CROCC2: variants seen among roughly 807,000 people sequenced by gnomAD.
The protein encoded by CROCC2 is ciliary rootlet coiled-coil protein 2.
Under a neutral mutation model 177.6 loss-of-function variants are expected in CROCC2, and 163 were observed. The ratio of observed to expected loss-of-function variants is 0.92; its 90% CI spans 0.81 to 1.05. CROCC2 has a LOEUF of 1.05. Among genes scored for constraint, CROCC2 ranks in the 50% least tolerant of loss-of-function variants. CROCC2 has a pLI of 0.00. For missense variants in CROCC2, 1,929 were observed against 1,797.8 expected, an observed-to-expected ratio of 1.07 and a Z score of -1.32; for synonymous variants, 904 against 787.3, an observed-to-expected ratio of 1.15 and a Z score of -2.48.
At chr2:240,919,261 A>T (rs1374208737) in intron 2 of CROCC2, among the ~76,000 whole-genome samples, 1 of 152,010 alleles carries the variant, frequency 6.6e-6, no homozygotes, top group African/African-American at 2.4e-5. Flanking sequence ...CCCACAGGGC[A>T]CTCAGCAGGG....
At chr2:240,911,296 C>CTTTTTTTTT (rs35968018) in intron 1 of CROCC2, among the ~76,000 whole-genome samples, 1 of 123,072 alleles carries the variant, frequency 8.1e-6, no homozygotes, top group Non-Finnish European at 1.6e-5. Flanking sequence ...ACGTCCACAA[C>CTTTTTTTTT]TTTTTTTTTT....
At position 240,914,776 on chromosome 2, in the gene CROCC2, G is replaced by A. The variant is rs559768795; in HGVS notation, c.79-3950G>A. Among the ~76,000 whole-genome samples the A allele has an allele frequency of 6.6e-3, 1,001 of 152,310 alleles. 10 individuals are homozygous for A. Among genetic ancestry groups the A allele is most frequent in the South Asian group, 0.032 (155 of 4,830 alleles). On this transcript the variant is annotated intron_variant, in intron 1 of 31. Coordinates refer to ENST00000690015, the MANE Select transcript of CROCC2 (RefSeq NM_001351305.2). The stretch of plus-strand genomic sequence containing the variant: ...GCTCAGGCAGCTGTCCAAGCAGGAC[G>A]GGACGACGGGGTGGTGGGGCTGCTG...
chr2:240,981,274 T>A (rs2059797594), intron 27 of CROCC2, among the ~76,000 whole-genome samples: 2 of 152,170 alleles, frequency 1.3e-5, no homozygotes, highest in South Asian at 4.1e-4. Context: ...GGCTCATCCC[T>A]GCTCAGGCTC....
Position 240,964,555 on chromosome 2 carries a change from G to A in CROCC2, c.3395G>A (p.Arg1132Gln), listed in dbSNP as rs1012374978. ...AALQQEASALRAHLWELEQAG... is the reference protein window; with the variant it reads ...AALQQEASALQAHLWELEQAG... ...TTGCAGCAGGAGGCCAGTGCACTGC[G>A]GGCCCACCTGTGGGAGCTGGAGCAG... is the stretch of plus-strand genomic sequence containing the variant. Residue 1132 changes from arginine to glutamine, a missense_variant, in exon 22 of 32, where the codon CGG becomes CAG. Coordinates refer to ENST00000690015, the MANE Select transcript of CROCC2 (RefSeq NM_001351305.2). 130 of 1,549,380 alleles carry A rather than the reference G, an allele frequency of 8.4e-5. No individual in the cohort carries two copies. Among genetic ancestry groups the A allele is most frequent in the Non-Finnish European group, 1.0e-4 (115 of 1,146,784 alleles).
intron 27 of CROCC2, among the ~76,000 whole-genome samples, chr2:240,969,523 T>C (rs2059707423): frequency 6.6e-6 from 1 of 152,162 alleles, no homozygotes; most frequent in Non-Finnish European, 1.5e-5. Context: ...TAGAGACGTC[T>C]GTGGAAAGAC....
rs904204839 is a variant in CROCC2, at chr2:240,932,792, C to A, written c.1135C>A (p.Arg379Ser). 1.4e-6 allele frequency: 2 copies of A among 1,464,178 alleles called. No individual in the cohort carries two copies. The highest frequency in any genetic ancestry group is 2.5e-5 in the East Asian group (1 of 40,490). 90.7% of individuals were successfully genotyped at this position (1,464,178 alleles called of 1,614,324 possible). Residue 379 changes from arginine (R) to serine (S), a missense_variant, in exon 9 of 32, where the codon CGT (arginine) becomes AGT (serine). Physicochemically the swap from Arg to Ser is moderately radical, Grantham distance 110. Around this residue, in one of 3 missense-constraint regions of CROCC2, gnomAD observed 1,397 missense variants for 1,239.9 expected, o/e 1.13. Transcript: ENST00000690015. ...EPRRPLRSPQ[R>S]ATSPHQGASP... ...ACGGCGCCCACTGAGGAGCCCCCAA[C>A]GTGCCACATCCCCCCATCAAGGGGC...
rs866630744 is a variant in CROCC2 at position 240,950,400 on chromosome 2, G to A, written c.2719G>A (p.Glu907Lys). 1 of 1,550,392 alleles carries A rather than the reference G, an allele frequency of 6.4e-7. No individual in the cohort carries two copies. Among genetic ancestry groups the A allele is most frequent in the Non-Finnish European group, 8.7e-7 (1 of 1,146,856 alleles). The change falls in exon 18 of 32, where the codon GAG (glutamate) becomes AAG (lysine). Residue 907 changes from glutamate to lysine, a missense_variant. Glu to Lys is a moderately conservative substitution (Grantham distance 56, BLOSUM62 1). This residue lies in a region of CROCC2 where 1,397 missense variants were observed against 1,239.9 expected (regional missense o/e 1.13). Transcript: ENST00000690015. ...VARCQLEQEK[E>K]LVTKSAAERE... ...CAGATGCCAGCTGGAGCAGGAGAAG[G>A]AGCTGGTGACAAAAAGTGCAGCTGA...
chr2:240,935,061 A>G lies in CROCC2; in HGVS notation c.1937A>G (p.Gln646Arg). ...AGTGCCCTGAACCACCTGGCTCTCC[A>G]GGTGAGACAAGGGCCAGTGGGGCGG... ...DKSALNHLAL[Q>R]LEQERDQLRE... The change falls in exon 13 of 32, where the codon CAG (glutamine) becomes CGG (arginine). Residue 646 changes from glutamine (Q) to arginine (R), a missense_variant and splice_region_variant. By Grantham distance (43) the Gln-to-Arg change is conservative. Transcript: ENST00000690015. 1 of 1,362,922 alleles carries G rather than the reference A, an allele frequency of 7.3e-7. No homozygotes were observed. The allele number at this position is 1,362,922 out of a possible 1,614,324, so 84.4% of individuals were successfully genotyped here.
intron 1 of CROCC2, among the ~76,000 whole-genome samples, chr2:240,912,284 C>A (rs1386612388): frequency 6.6e-6 from 1 of 152,186 alleles, no homozygotes; most frequent in Non-Finnish European, 1.5e-5. Context: ...CCCTAACCAT[C>A]CAGAGCGGGC....
At chr2:240,922,484 C>G (rs981804901) in intron 3 of CROCC2, 55 bp from the exon 4 acceptor site, 30 of 649,808 alleles carry the variant, frequency 4.6e-5, no homozygotes, top group Non-Finnish European at 8.0e-5. Context: ...TGCCCCAGCC[C>G]CTGCCTGGCG....
intron 7 of CROCC2, among the ~76,000 whole-genome samples, chr2:240,931,905 G>A (rs947517970): frequency 6.6e-6 from 1 of 152,240 alleles, no homozygotes; most frequent in African/African-American, 2.4e-5. Context: ...GGGGACCTGG[G>A]GTCTTTAGGA....
In CROCC2 at chr2:240,963,681, G is replaced by A. The variant is rs938062429; in HGVS notation, c.3213G>A (p.Ala1071=). ...LHREAQEARR[A]LSDEAREKDV... ...GGGAGGCCCAGGAGGCCCGCCGGGCGCTGAGTGACGAGGCCCGCGAGAAGG... is the reference window on the plus strand; with the variant it reads ...GGGAGGCCCAGGAGGCCCGCCGGGCACTGAGTGACGAGGCCCGCGAGAAGG... The change falls in exon 21 of 32, where the codon GCG becomes GCA. Residue 1071 remains alanine (A), a synonymous_variant. Coordinates refer to ENST00000690015, the MANE Select transcript of CROCC2 (RefSeq NM_001351305.2). The A allele has an allele frequency of 2.4e-5, 37 of 1,550,090 alleles. No individual in the cohort carries two copies. The Admixed American group carries it at 6.1e-4, about 25-fold the overall frequency.
In CROCC2 at chr2:240,955,982, A is replaced by G; in HGVS notation, c.2943+10A>G. On this transcript the variant is annotated intron_variant, in intron 19 of 31. Transcript: ENST00000690015. ...GCAGGAGCAAGCGCAGGTGAGCCCCATGCAGCCAGGCCACGTGCACAGCCA... is the reference window on the plus strand; with the variant it reads ...GCAGGAGCAAGCGCAGGTGAGCCCCGTGCAGCCAGGCCACGTGCACAGCCA... 1 of 1,531,138 alleles carries G rather than the reference A, an allele frequency of 6.5e-7. No homozygotes were observed. Among genetic ancestry groups the G allele is most frequent in the Non-Finnish European group, 8.7e-7 (1 of 1,144,052 alleles). The allele number at this position is 1,531,138 out of a possible 1,614,324, so 94.8% of individuals were successfully genotyped here. A position where few individuals can be genotyped will look rare whatever the true frequency, so the allele number is the denominator to read the frequency against.
chr2:240,906,835 G>A (rs1268971968), intron 1 of CROCC2, among the ~76,000 whole-genome samples: 1 of 152,170 alleles, frequency 6.6e-6, no homozygotes, highest in African/African-American at 2.4e-5. Flanking sequence ...GCCCAGGGCC[G>A]CTGCTGGCTA....
At chr2:240,959,590 G>A in intron 20 of CROCC2, 146 bp downstream of exon 20, 3 of 1,081,682 alleles carry the variant, frequency 2.8e-6, no homozygotes, top group Non-Finnish European at 3.9e-6. Context: ...GGACTAGGAA[G>A]AGGCAAACAG....
intron 29 of CROCC2, 98 bp downstream of exon 29, chr2:240,988,968 C>A: frequency 4.8e-6 from 6 of 1,240,184 alleles, no homozygotes; most frequent in Non-Finnish European, 6.3e-6. Context: ...GGCTGGTGTA[C>A]CTCCATCTCA....
Position 240,964,451 on chromosome 2 carries a change from T to C in CROCC2, c.3306-15T>C, listed in dbSNP as rs1232445680. On this transcript the variant is annotated splice_polypyrimidine_tract_variant and intron_variant, in intron 21 of 31. Transcript: ENST00000690015. ...CAGGAGGTGCGGGGGCCCCAGCCTG[T>C]GGCACCCTCGTCAGTTTTAAGCGGT... The C allele has an allele frequency of 1.9e-6, 3 of 1,548,170 alleles. No homozygotes were observed. The African/African-American group carries it at 4.1e-5, about 21-fold the overall frequency.
At position 240,973,469 on chromosome 2, in the gene CROCC2, C is replaced by T. The variant is rs547155667; in HGVS notation, c.4401+5207C>T. Among the ~76,000 whole-genome samples the T allele has an allele frequency of 1.4e-3, 210 of 151,954 alleles. No individual in the cohort carries two copies. The highest frequency in any genetic ancestry group is 2.6e-3 in the Non-Finnish European group (178 of 67,952). ...TGGACTGGCGCCCAGTCACAGCCTCCGTGGCTCAGGGAAGCTCACGGCGTT... is the reference window on the plus strand; with the variant it reads ...TGGACTGGCGCCCAGTCACAGCCTCTGTGGCTCAGGGAAGCTCACGGCGTT... On this transcript the variant is annotated intron_variant, in intron 27 of 31. Transcript: ENST00000690015. This position sits in a 1 kb window ranked among gnomAD's most constrained non-coding sequence, Gnocchi z 4.7.
intron 27 of CROCC2, among the ~76,000 whole-genome samples, chr2:240,969,786 A>G (rs2059709039): frequency 6.6e-6 from 1 of 152,204 alleles, no homozygotes; most frequent in African/African-American, 2.4e-5. Context: ...GCTGGAGTGC[A>G]GTGGCACCAT....
Sources: gnomAD v4.1 joint callset for allele counts (sites outside exome capture counted in the v4.1 genomes callset) on GRCh38, gnomAD v4.1.1 for gene constraint, gnomAD v4.1.1 regional missense constraint, Gnocchi (gnomAD v3.1) non-coding constraint, MANE v1.5 for transcripts, NCBI Gene and HGNC (gene_info 2026-07-23, HGNC 2026-07-21) for gene names.